Variants in SPATA6 observed in about 807,000 individuals in gnomAD.
SPATA6 encodes the protein spermatogenesis associated 6.
A neutral mutation model predicts 65.3 loss-of-function variants in SPATA6; 56 were observed. That is an observed-to-expected ratio of 0.86 (90% CI 0.69 to 1.07). The LOEUF (loss-of-function observed/expected upper bound fraction) is 1.07, where lower values mean the gene tolerates loss of function less well. Ranked by LOEUF, SPATA6 falls within the 50% of genes least tolerant of loss-of-function variation. The pLI, the probability that SPATA6 is intolerant of heterozygous loss-of-function variation, is 0.00. For synonymous variants in SPATA6, 199 were observed against 213.2 expected (o/e 0.93, Z 0.58); for missense variants, 590 against 594.8 (o/e 0.99, Z 0.08).
At chr1:48,378,860 G>T (rs1209621084) in intron 9 of SPATA6, among the ~76,000 whole-genome samples, 6 of 152,058 alleles carry the variant, frequency 3.9e-5, no homozygotes, top group Non-Finnish European at 5.9e-5. Context: ...ATTGATAAAT[G>T]GATAAAGAAA....
At position 48,451,027 on chromosome 1, in the gene SPATA6, T is replaced by G. The variant is rs75940296; in HGVS notation, c.238+525A>C. Among the ~76,000 whole-genome samples the G allele has an allele frequency of 1.4e-4, 22 of 152,354 alleles. No homozygotes were observed. In the East Asian group the frequency reaches 4.2e-3, roughly 29 times the overall value. On this transcript the variant is annotated intron_variant, in intron 3 of 12. Transcript: ENST00000371847. ...TCTCACAAATAGTTGTATCTTTTTA[T>G]AGTTATTCTAAGTAGTTTGAAGAAT...
chr1:48,445,387 G>A (rs1388522757), intron 3 of SPATA6, among the ~76,000 whole-genome samples: 2 of 152,110 alleles, frequency 1.3e-5, no homozygotes, highest in Non-Finnish European at 2.9e-5. Flanking sequence ...CACATGGCTG[G>A]GCGTGGTGGC....
intron 9 of SPATA6, among the ~76,000 whole-genome samples, chr1:48,375,176 C>A (rs1647741205): frequency 6.6e-6 from 1 of 152,174 alleles, no homozygotes; most frequent in Non-Finnish European, 1.5e-5. Context: ...TACTGAGTCT[C>A]AGCTCCAATT....
intron 9 of SPATA6, among the ~76,000 whole-genome samples, chr1:48,383,496 C>T (rs1649021970): frequency 3.4e-5 from 1 of 29,706 alleles, no homozygotes; most frequent in Non-Finnish European, 7.5e-5. Flanking sequence ...CCACCTCCCT[C>T]CCGGACGGGG....
chr1:48,370,860 A>G (rs1557629254), intron 9 of SPATA6, among the ~76,000 whole-genome samples: 2 of 152,240 alleles, frequency 1.3e-5, no homozygotes, highest in African/African-American at 4.8e-5. Context: ...CTACAAGGAA[A>G]GTCCCACAAA....
intron 11 of SPATA6, among the ~76,000 whole-genome samples, chr1:48,350,101 A>G (rs951787805): frequency 6.6e-6 from 1 of 151,776 alleles, no homozygotes; most frequent in African/African-American, 2.4e-5. Context: ...ATTATTCCAC[A>G]TCCTTGTCAG....
At chr1:48,293,942 C>G (rs952116017), downstream of SPATA6, among the ~76,000 whole-genome samples, 1 of 152,170 alleles carries the variant, frequency 6.6e-6, no homozygotes, top group Non-Finnish European at 1.5e-5. Flanking sequence ...TACTGATTAT[C>G]TGAGGAAACA....
At chr1:48,316,009 C>T (rs989556469) in intron 11 of SPATA6, among the ~76,000 whole-genome samples, 1 of 152,138 alleles carries the variant, frequency 6.6e-6, no homozygotes, top group South Asian at 2.1e-4. Flanking sequence ...AGGAGAACTA[C>T]AAACCACTGC....
chr1:48,399,651 A>T lies in SPATA6; in HGVS notation c.487-7T>A, dbSNP rs760043872. 4.0e-5 allele frequency: 62 copies of T among 1,551,486 alleles called. No individual in the cohort carries two copies. Among genetic ancestry groups the T allele is most frequent in the Non-Finnish European group, 5.3e-5 (61 of 1,152,202 alleles). On this transcript the variant is annotated splice_region_variant and splice_polypyrimidine_tract_variant and intron_variant, in intron 6 of 12. Coordinates refer to ENST00000371847, the MANE Select transcript of SPATA6 (RefSeq NM_019073.4). Reference sequence around the variant, plus strand: ...AATGGTAAATAAATTTATCCTAAACATAAAAAATAAAAATTAACTTGGTCA... The same window carrying T: ...AATGGTAAATAAATTTATCCTAAACTTAAAAAATAAAAATTAACTTGGTCA...
intron 9 of SPATA6, among the ~76,000 whole-genome samples, chr1:48,366,452 T>C (rs1166982494): frequency 6.6e-6 from 1 of 152,190 alleles, no homozygotes; most frequent in Non-Finnish European, 1.5e-5. Context: ...TGGTAAGCTA[T>C]TGATTATTGC....
intron 3 of SPATA6, among the ~76,000 whole-genome samples, chr1:48,414,817 C>CA (rs907796175): frequency 2.0e-5 from 3 of 151,754 alleles, no homozygotes. Context: ...TACTACACAG[C>CA]AAAAAAACAG....
intron 11 of SPATA6, chr1:48,325,368 C>A: frequency 2.2e-6 from 3 of 1,373,794 alleles, no homozygotes; most frequent in Non-Finnish European, 3.1e-6. Context: ...GTTCTGCATG[C>A]GCCTTCTCCC....
intron 1 of SPATA6, among the ~76,000 whole-genome samples, chr1:48,467,414 AAAG>A (rs2148204052): frequency 6.6e-6 from 1 of 152,308 alleles, no homozygotes; most frequent in Non-Finnish European, 1.5e-5. Context: ...GTCACCACAA[AAAG>A]AAGAAAAAAT....
chr1:48,453,349 G>C (rs920584220), intron 1 of SPATA6, among the ~76,000 whole-genome samples: 1 of 152,124 alleles, frequency 6.6e-6, no homozygotes, highest in Non-Finnish European at 1.5e-5. Flanking sequence ...TTTTCCATTT[G>C]GTTACTTGTG....
chr1:48,441,865 T>C (rs1202100937), intron 3 of SPATA6, among the ~76,000 whole-genome samples: 1 of 152,142 alleles, frequency 6.6e-6, no homozygotes, highest in African/African-American at 2.4e-5. Flanking sequence ...GTAAATGGCA[T>C]ACTAGGTGCC....
intron 11 of SPATA6, among the ~76,000 whole-genome samples, chr1:48,314,949 T>G (rs1645359914): frequency 6.6e-6 from 1 of 152,144 alleles, no homozygotes; most frequent in East Asian, 1.9e-4. Context: ...CTAGAATAAA[T>G]GGATAAATCC....
the SPATA6 span, among the ~76,000 whole-genome samples, chr1:48,283,973 CCTGT>C: frequency 6.6e-6 from 1 of 152,038 alleles, no homozygotes; most frequent in African/African-American, 2.4e-5. Flanking sequence ...TGAATGTTGG[CCTGT>C]CTTGCTAGGT....
At chr1:48,337,947 G>A (rs964887990) in intron 11 of SPATA6, among the ~76,000 whole-genome samples, 1 of 151,908 alleles carries the variant, frequency 6.6e-6, no homozygotes, top group Non-Finnish European at 1.5e-5. Flanking sequence ...AACTCAGTGG[G>A]TTCTGGCAAG....
In SPATA6 at chr1:48,403,890, GAA is replaced by G. The variant is rs775127035; in HGVS notation, c.406-10_406-9del. On this transcript the variant is annotated splice_polypyrimidine_tract_variant and intron_variant, in intron 5 of 12. Transcript: ENST00000371847. ...CAGCCTTGGAGCATTTCCCTGAGAAGAAAAAAGAGGGTATTATTACACATTTC... is the reference window on the plus strand; with the variant it reads ...CAGCCTTGGAGCATTTCCCTGAGAAGAAAAGAGGGTATTATTACACATTTC... 1 of 1,585,160 alleles carries G rather than the reference GAA, an allele frequency of 6.3e-7. No homozygotes were observed. Among genetic ancestry groups the G allele is most frequent in the African/African-American group, 1.4e-5 (1 of 73,580 alleles).
Sources: allele counts gnomAD v4.1 joint callset (sites outside exome capture counted in the v4.1 genomes callset), GRCh38; gene constraint gnomAD v4.1.1; transcripts MANE v1.5; gene names NCBI Gene and HGNC (gene_info 2026-07-23, HGNC 2026-07-21).